Variants in PTGER3 observed in about 807,000 individuals in gnomAD.
PTGER3 encodes prostaglandin E2 receptor EP3 subtype.
Under a neutral mutation model 34.7 loss-of-function variants are expected in PTGER3, and 22 were observed. The ratio of observed to expected loss-of-function variants is 0.63; its 90% CI spans 0.45 to 0.91. The LOEUF is 0.91. Among genes scored for constraint, PTGER3 ranks in the 40% least tolerant of loss-of-function variants. The pLI is 0.00. For missense variants in PTGER3, 468 were observed against 519.4 expected, an observed-to-expected ratio of 0.90 and a Z score of 0.96; for synonymous variants, 241 against 230.1, an observed-to-expected ratio of 1.05 and a Z score of -0.43.
chr1:71,020,966 T>G (rs1658364233), intron 1 of PTGER3, among the ~76,000 whole-genome samples: 1 of 152,022 alleles, frequency 6.6e-6, no homozygotes, highest in Admixed American at 6.6e-5. Context: ...TAAGAATAAT[T>G]AATACCTTCA....
intron 4 of PTGER3, among the ~76,000 whole-genome samples, chr1:70,915,575 G>A (rs1647156949): frequency 6.6e-6 from 1 of 151,922 alleles, no homozygotes; most frequent in African/African-American, 2.4e-5. Flanking sequence ...CAATCTTAAA[G>A]TCACAATAAA....
At chr1:70,941,873 T>G (rs1048015616) in intron 4 of PTGER3, among the ~76,000 whole-genome samples, 24 of 152,342 alleles carry the variant, frequency 1.6e-4, no homozygotes, top group Admixed American at 4.6e-4. Flanking sequence ...TTCTTTATAA[T>G]GCTACTAGCA....
rs532421680 is a variant in PTGER3, at chr1:70,939,503, A to C, written c.*23+14260T>G. Among the ~76,000 whole-genome samples, 6 of 152,354 alleles carry C rather than the reference A, an allele frequency of 3.9e-5. No homozygotes were observed. The South Asian group carries it at 1.2e-3, about 32-fold the overall frequency. ...CATTTCCCTTCTGCACTTCCCTAGTAGAGGTTCTCCATCAGGGCTCCGCCC... is the reference window on the plus strand; with the variant it reads ...CATTTCCCTTCTGCACTTCCCTAGTCGAGGTTCTCCATCAGGGCTCCGCCC... On this transcript the variant is annotated intron_variant, in intron 4 of 4. Coordinates refer to the PTGER3 transcript ENST00000370931.
intron 4 of PTGER3, among the ~76,000 whole-genome samples, chr1:70,914,390 T>C (rs537534146): frequency 6.6e-6 from 1 of 152,036 alleles, no homozygotes; most frequent in South Asian, 2.1e-4. Flanking sequence ...TAAATGGTTG[T>C]CATATTTTCT....
At chr1:70,897,713 C>G (rs563637168) in intron 4 of PTGER3, among the ~76,000 whole-genome samples, 36 of 152,296 alleles carry the variant, frequency 2.4e-4, no homozygotes, top group Admixed American at 7.8e-4. Context: ...CTCACCTGCT[C>G]CAGGAATGTT....
chr1:70,903,877 TA>T (rs1398529780), intron 4 of PTGER3, among the ~76,000 whole-genome samples: 1 of 152,210 alleles, frequency 6.6e-6, no homozygotes, highest in Non-Finnish European at 1.5e-5. Flanking sequence ...TTCTCTTCTG[TA>T]AAATGAGCAT....
At chr1:71,045,976 G>C (rs573828874) in intron 1 of PTGER3, among the ~76,000 whole-genome samples, 2 of 151,448 alleles carry the variant, frequency 1.3e-5, no homozygotes. Context: ...TCTTATTAAC[G>C]TGAAAGAGGA....
Position 71,039,649 on chromosome 1 carries a change from C to CAA in PTGER3, c.897+7030_897+7031dup, listed in dbSNP as rs1183485427. ...TGGGTGACAGAGCGAGACTCTGTCT[C>CAA]AAAAAAAAAAAAAAAAAAAAAGAAA... On this transcript the variant is annotated intron_variant, in intron 1 of 3. Transcript: ENST00000306666. 5.9e-3 allele frequency among the ~76,000 whole-genome samples: 321 copies of CAA among 54,082 alleles called. 8 individuals are homozygous for CAA. The highest frequency in any genetic ancestry group is 0.013 in the African/African-American group (235 of 17,486). The allele number at this position is 54,082 out of a possible 152,430, so 35.5% of individuals were successfully genotyped here.
At chr1:70,893,076 G>A (rs1356378257) in intron 4 of PTGER3, among the ~76,000 whole-genome samples, 3 of 151,942 alleles carry the variant, frequency 2.0e-5, no homozygotes, top group African/African-American at 7.3e-5. Flanking sequence ...ACTAAACAAG[G>A]AACAAATGGA....
intron 4 of PTGER3, among the ~76,000 whole-genome samples, chr1:70,894,158 A>G (rs1389747861): frequency 6.6e-6 from 1 of 151,776 alleles, no homozygotes; most frequent in African/African-American, 2.4e-5. Context: ...AAATACAAAA[A>G]ATTAGCCGGG....
chr1:70,873,605 T>C (rs371783051), intron 4 of PTGER3, among the ~76,000 whole-genome samples: 69 of 152,018 alleles, frequency 4.5e-4, no homozygotes, highest in African/African-American at 1.6e-3. Flanking sequence ...GAACAGGTGG[T>C]GTTTGGTTAC....
intron 2 of PTGER3, among the ~76,000 whole-genome samples, chr1:70,985,697 G>T (rs569259705): frequency 6.6e-6 from 1 of 152,142 alleles, no homozygotes; most frequent in African/African-American, 2.4e-5. Context: ...GCCTTTGCTC[G>T]CTAGAAGCAG....
At chr1:70,906,062 C>T (rs1486453141) in intron 4 of PTGER3, among the ~76,000 whole-genome samples, 1 of 152,116 alleles carries the variant, frequency 6.6e-6, no homozygotes, top group African/African-American at 2.4e-5. Context: ...GTTCCCTGTA[C>T]AAGCTCTCTC....
intron 4 of PTGER3, chr1:70,883,817 C>T (rs892951769): frequency 5.2e-6 from 1 of 192,080 alleles, no homozygotes; most frequent in African/African-American, 2.4e-5. Flanking sequence ...AATCCCAGCT[C>T]TTTGGGAGGC....
chr1:70,941,117 C>T (rs1188689868), intron 4 of PTGER3, among the ~76,000 whole-genome samples: 2 of 152,132 alleles, frequency 1.3e-5, no homozygotes, highest in Admixed American at 6.6e-5. Flanking sequence ...TAAATGTCTA[C>T]TTCAATGACA....
chr1:71,026,890 G>A (rs1449247366), intron 1 of PTGER3, among the ~76,000 whole-genome samples: 2 of 152,024 alleles, frequency 1.3e-5, no homozygotes, highest in Non-Finnish European at 2.9e-5. Flanking sequence ...CAAGAAGGAA[G>A]CAAACATGAG....
intron 4 of PTGER3, among the ~76,000 whole-genome samples, chr1:70,854,299 A>T (rs1161019664): frequency 2.0e-5 from 3 of 152,240 alleles, no homozygotes; most frequent in Non-Finnish European, 4.4e-5. Flanking sequence ...AGTTAAAAAA[A>T]TGGGTAAAAT....
intron 4 of PTGER3, among the ~76,000 whole-genome samples, chr1:70,940,462 G>A (rs556749400): frequency 1.3e-5 from 2 of 152,194 alleles, no homozygotes; most frequent in Admixed American, 1.3e-4. Context: ...TACTGTATTA[G>A]TCTGTTTTTA....
intron 2 of PTGER3, chr1:71,006,657 A>T: frequency 8.1e-6 from 8 of 981,642 alleles, no homozygotes; most frequent in Non-Finnish European, 9.7e-6. Flanking sequence ...ATTTATATTA[A>T]ATCAACAATA....
Sources: allele counts gnomAD v4.1 joint callset (sites outside exome capture counted in the v4.1 genomes callset), GRCh38; gene constraint gnomAD v4.1.1; transcripts MANE v1.5; gene names NCBI Gene and HGNC (gene_info 2026-07-23, HGNC 2026-07-21).